The following EDN1 variants were observed in gnomAD, a reference collection of about 807,000 sequenced individuals.
The protein encoded by EDN1 is endothelin-1.
In EDN1, 11 loss-of-function variants were observed where a neutral mutation model predicts 21.7. The observed-to-expected ratio is 0.51, with a 90% CI of 0.32 to 0.84. EDN1 has a LOEUF of 0.84. Ranked by LOEUF, EDN1 falls within the 40% of genes least tolerant of loss-of-function variation. EDN1 has a pLI of 0.03. For missense variants in EDN1, 244 were observed against 262.3 expected (o/e 0.93, Z 0.48); for synonymous variants, 85 against 90.6 (o/e 0.94, Z 0.35).
the EDN1 span, among the ~76,000 whole-genome samples, chr6:12,261,357 G>A: frequency 6.6e-6 from 1 of 152,220 alleles, no homozygotes; most frequent in Non-Finnish European, 1.5e-5. Flanking sequence ...GATACAAACA[G>A]GTACGCTCCG....
chr6:12,230,726 T>C, the EDN1 span, among the ~76,000 whole-genome samples: 2 of 152,164 alleles, frequency 1.3e-5, no homozygotes, highest in African/African-American at 2.4e-5. Flanking sequence ...TGCATGTCCA[T>C]GAATCTCTCT....
chr6:12,237,690 T>C, the EDN1 span, among the ~76,000 whole-genome samples: 2 of 152,158 alleles, frequency 1.3e-5, no homozygotes. Context: ...AATGATGCTA[T>C]ACAGACACTG....
At chr6:12,288,453 C>T (rs553057739), upstream of EDN1, among the ~76,000 whole-genome samples, 5 of 152,298 alleles carry the variant, frequency 3.3e-5, no homozygotes, top group East Asian at 7.7e-4. Flanking sequence ...GCCGCCTGTC[C>T]TCCGGGAGCT....
the EDN1 span, among the ~76,000 whole-genome samples, chr6:12,235,763 G>A: frequency 1.3e-5 from 2 of 152,186 alleles, no homozygotes; most frequent in African/African-American, 4.8e-5. Flanking sequence ...TGACTATTGA[G>A]CATTTGAAAT....
chr6:12,278,455 C>T, the EDN1 span, among the ~76,000 whole-genome samples: 65 of 152,274 alleles, frequency 4.3e-4, no homozygotes, highest in African/African-American at 1.5e-3. Context: ...TGGGACCCAT[C>T]CTGAGGGTCC....
chr6:12,252,025 AC>A, the EDN1 span, among the ~76,000 whole-genome samples: 2 of 152,204 alleles, frequency 1.3e-5, no homozygotes, highest in Admixed American at 1.3e-4. Flanking sequence ...GGATTCTAGA[AC>A]ATTGGGCAGC....
At chr6:12,258,237 A>T in the EDN1 span, among the ~76,000 whole-genome samples, 2 of 151,538 alleles carry the variant, frequency 1.3e-5, no homozygotes, top group South Asian at 4.2e-4. Context: ...AGATCATCTG[A>T]GGCCAGGAGT....
chr6:12,243,232 A>G, the EDN1 span, among the ~76,000 whole-genome samples: 3 of 150,378 alleles, frequency 2.0e-5, no homozygotes, highest in East Asian at 6.0e-4. Context: ...CTATTCAGTA[A>G]GTGGAAGTGG....
At chr6:12,269,981 GTTAT>G in the EDN1 span, among the ~76,000 whole-genome samples, 1 of 152,018 alleles carries the variant, frequency 6.6e-6, no homozygotes. Context: ...ATTTAATCTT[GTTAT>G]TTATTATTGT....
At chr6:12,264,283 C>T in the EDN1 span, among the ~76,000 whole-genome samples, 1 of 152,146 alleles carries the variant, frequency 6.6e-6, no homozygotes. Flanking sequence ...GAATCTTTAG[C>T]TACAATAACT....
the EDN1 span, among the ~76,000 whole-genome samples, chr6:12,252,884 C>T: frequency 6.6e-6 from 1 of 151,622 alleles, no homozygotes; most frequent in Non-Finnish European, 1.5e-5. Flanking sequence ...AATATCCAAC[C>T]TGTATTGAAA....
chr6:12,283,843 T>C, the EDN1 span, among the ~76,000 whole-genome samples: 2 of 152,222 alleles, frequency 1.3e-5, no homozygotes, highest in African/African-American at 2.4e-5. Context: ...CTGGCCCTTC[T>C]TATCCATGTG....
the EDN1 span, among the ~76,000 whole-genome samples, chr6:12,241,404 C>T: frequency 4.0e-5 from 6 of 151,854 alleles, no homozygotes; most frequent in Non-Finnish European, 8.8e-5. Flanking sequence ...CTCCTGACCT[C>T]AGGTGATCTG....
At chr6:12,275,018 C>CTTCT in the EDN1 span, among the ~76,000 whole-genome samples, 35 of 137,908 alleles carry the variant, frequency 2.5e-4, no homozygotes, top group African/African-American at 8.6e-4. Flanking sequence ...TCCTTCCTTC[C>CTTCT]TTCTTTTCCC....
upstream of EDN1, among the ~76,000 whole-genome samples, chr6:12,288,509 GGAGGCCAGGGGCCCCGGCA>G (rs71741161): frequency 0.11 from 16,048 of 152,230 alleles, 1,620 homozygotes; most frequent in African/African-American, 0.27. Flanking sequence ...AGCGCACAGC[GGAGGCCAGGGGCCCCGGCA>G]GAGGCCCTGG....
At chr6:12,291,062 C>T (rs1229628650) in intron 1 of EDN1, among the ~76,000 whole-genome samples, 2 of 152,200 alleles carry the variant, frequency 1.3e-5, no homozygotes, top group African/African-American at 4.8e-5. Context: ...CATATAGGAA[C>T]TTAAATCTTA....
chr6:12,255,470 G>A, the EDN1 span, among the ~76,000 whole-genome samples: 1 of 152,150 alleles, frequency 6.6e-6, no homozygotes, highest in Non-Finnish European at 1.5e-5. Context: ...AAGAGTAGAG[G>A]TACTCTCTCT....
At chr6:12,252,337 C>T in the EDN1 span, among the ~76,000 whole-genome samples, 1 of 152,146 alleles carries the variant, frequency 6.6e-6, no homozygotes. Context: ...AAGAAAAGAA[C>T]AAAACTGAGG....
chr6:12,295,241 G>T (rs1305274945), intron 4 of EDN1, among the ~76,000 whole-genome samples: 1 of 152,054 alleles, frequency 6.6e-6, no homozygotes, highest in Non-Finnish European at 1.5e-5. Context: ...CTGAGCTCAG[G>T]CCAGGCAGTC....
Sources: allele counts gnomAD v4.1 joint callset (sites outside exome capture counted in the v4.1 genomes callset), GRCh38; gene constraint gnomAD v4.1.1; transcripts MANE v1.5; gene names NCBI Gene and HGNC (gene_info 2026-07-23, HGNC 2026-07-21).